The following SHMT1 variants were observed in gnomAD, a reference collection of about 807,000 sequenced individuals.
The protein encoded by SHMT1 is serine hydroxymethyltransferase, cytosolic.
SHMT1 carries 45 observed loss-of-function variants against 49.0 expected under a neutral mutation model. The observed-to-expected ratio is 0.92, with a 90% CI of 0.72 to 1.18. The LOEUF is 1.18. Ranked by LOEUF, SHMT1 falls within the 50% of genes most tolerant of loss-of-function variation. The pLI is 0.00. For missense variants in SHMT1, 541 were observed against 612.4 expected (o/e 0.88, Z 1.23); for synonymous variants, 232 against 246.6 (o/e 0.94, Z 0.55).
At chr17:18,339,932 T>C (rs1025912261) in intron 7 of SHMT1, 111 bp downstream of exon 7, 1 of 1,060,386 alleles carries the variant, frequency 9.4e-7, no homozygotes, top group Non-Finnish European at 1.4e-6. Flanking sequence ...TCTTAATATT[T>C]TCCAAGGATC....
chr17:18,343,376 A>C (rs1188298170), intron 5 of SHMT1, among the ~76,000 whole-genome samples: 1 of 151,988 alleles, frequency 6.6e-6, no homozygotes, highest in Non-Finnish European at 1.5e-5. Context: ...TGGGAGGCCG[A>C]GGGGGTCAGA....
intron 7 of SHMT1, among the ~76,000 whole-genome samples, chr17:18,339,308 G>A (rs1047350440): frequency 3.3e-5 from 5 of 152,152 alleles, no homozygotes; most frequent in Non-Finnish European, 7.3e-5. Context: ...ACTACTATGA[G>A]TCTTTCTCTT....
At chr17:18,347,392 G>A (rs964834520) in intron 5 of SHMT1, 104 bp downstream of exon 5, 11 of 1,291,258 alleles carry the variant, frequency 8.5e-6, no homozygotes, top group East Asian at 4.6e-5. Flanking sequence ...TGCGAGGTGG[G>A]GACTTCCTGT....
At chr17:18,342,565 C>T (rs1020210245) in intron 5 of SHMT1, among the ~76,000 whole-genome samples, 8 of 152,150 alleles carry the variant, frequency 5.3e-5, no homozygotes, top group East Asian at 1.9e-4. Context: ...CCTCCTACCT[C>T]GACCTCCCAA....
intron 5 of SHMT1, among the ~76,000 whole-genome samples, chr17:18,344,562 TA>T (rs1984875159): frequency 8.8e-6 from 1 of 114,160 alleles, no homozygotes; most frequent in African/African-American, 3.7e-5. Flanking sequence ...ATTTTTTGTG[TA>T]GCCACAATTA....
chr17:18,346,525 T>C (rs1985094585), intron 5 of SHMT1, among the ~76,000 whole-genome samples: 1 of 152,234 alleles, frequency 6.6e-6, no homozygotes, highest in African/African-American at 2.4e-5. Context: ...GTTCTGATGG[T>C]GTTGGTTCCA....
intron 4 of SHMT1, 103 bp downstream of exon 4, chr17:18,348,222 T>TG (rs753386260): frequency 9.7e-6 from 8 of 822,184 alleles, no homozygotes; most frequent in Non-Finnish European, 8.2e-6. Context: ...GCCCGGCCTA[T>TG]GGCAGTCCAT....
At chr17:18,330,857 G>A (rs888542046) in intron 9 of SHMT1, 186 bp from the exon 10 acceptor site, 139 of 652,756 alleles carry the variant, frequency 2.1e-4, no homozygotes, top group Non-Finnish European at 3.6e-4. Flanking sequence ...TGAAAGGAAG[G>A]ACAGAGCACT....
rs746069234 is a variant in SHMT1, at chr17:18,347,567, T to C, written c.448A>G (p.Thr150Ala). 1 of 1,614,150 alleles carries C rather than the reference T, an allele frequency of 6.2e-7. No individual in the cohort carries two copies. Among genetic ancestry groups the C allele is most frequent in the Non-Finnish European group, 8.5e-7 (1 of 1,180,024 alleles). ...TTCTTGTCTGTCATGAACCCATGGGTCAGGTGGCCCCCATCCGGAAGGTCC... is the reference window on the plus strand; with the variant it reads ...TTCTTGTCTGTCATGAACCCATGGGCCAGGTGGCCCCCATCCGGAAGGTCC... ...GLDLPDGGHL[T>A]HGFMTDKKKI... The change falls in exon 5 of 12, where the codon ACC becomes GCC. Residue 150 changes from threonine to alanine, a missense_variant. Coordinates refer to ENST00000316694, the MANE Select transcript of SHMT1 (RefSeq NM_004169.5).
At chr17:18,357,510 AATG>A (rs1328794101) in intron 1 of SHMT1, among the ~76,000 whole-genome samples, 1 of 152,052 alleles carries the variant, frequency 6.6e-6, no homozygotes, top group African/African-American at 2.4e-5. Flanking sequence ...GTATTTTATA[AATG>A]ATAATGTAAG....
chr17:18,339,568 T>TC (rs1359002618), intron 7 of SHMT1, among the ~76,000 whole-genome samples: 25 of 151,482 alleles, frequency 1.7e-4, no homozygotes, highest in Non-Finnish European at 3.4e-4. Context: ...TTTCTTTCTT[T>TC]TTTTTTTTTT....
At position 18,353,703 on chromosome 17, in the gene SHMT1, T is replaced by C. The variant is rs771049915; in HGVS notation, c.211A>G (p.Asn71Asp). 2.5e-6 allele frequency: 4 copies of C among 1,614,164 alleles called. No individual in the cohort carries two copies. The highest frequency in any genetic ancestry group is 1.7e-5 in the Admixed American group (1 of 60,000). Residue 71 changes from asparagine to aspartate, a missense_variant, in exon 3 of 12, where the codon AAC (asparagine) becomes GAC (aspartate). Physicochemically the swap from Asn to Asp is conservative, Grantham distance 23 (BLOSUM62 1). Transcript: ENST00000316694. ...VLEALGSCLN[N>D]KYSEGYPGQR... ...CCCGGGTACCCCTCAGAGTATTTGTTATTTAAGCAAGAGCCTAGGGCCTCC... is the reference window on the plus strand; with the variant it reads ...CCCGGGTACCCCTCAGAGTATTTGTCATTTAAGCAAGAGCCTAGGGCCTCC...
At chr17:18,329,686 C>G (rs1465193307) in intron 10 of SHMT1, among the ~76,000 whole-genome samples, 1 of 152,120 alleles carries the variant, frequency 6.6e-6, no homozygotes, top group African/African-American at 2.4e-5. Flanking sequence ...TTGTTAACAA[C>G]CCACAGAGAA....
intron 7 of SHMT1, among the ~76,000 whole-genome samples, chr17:18,336,592 G>T (rs1983818615): frequency 6.6e-6 from 1 of 152,058 alleles, no homozygotes; most frequent in Admixed American, 6.6e-5. Flanking sequence ...GTTGAACCCG[G>T]GAGGTGGAGG....
intron 9 of SHMT1, chr17:18,331,962 C>T (rs1983260763): frequency 6.6e-6 from 1 of 152,216 alleles, no homozygotes; most frequent in Admixed American, 6.5e-5. Flanking sequence ...TAGGCCCAAC[C>T]TAGATCCCTC....
Position 18,333,296 on chromosome 17 carries a change from A to T in SHMT1, c.932-8T>A. On this transcript the variant is annotated splice_polypyrimidine_tract_variant and splice_region_variant and intron_variant, in intron 8 of 11. Transcript: ENST00000316694. ...TCAGTGCCACAGCAACCCCTGGACA[A>T]GAAGAGACAATGGGTCAGGAGGCTA... The T allele has an allele frequency of 1.2e-6, 2 of 1,613,000 alleles. No homozygotes were observed. Among genetic ancestry groups the T allele is most frequent in the Non-Finnish European group, 1.7e-6 (2 of 1,179,884 alleles).
intron 7 of SHMT1, among the ~76,000 whole-genome samples, chr17:18,336,619 T>C (rs906803878): frequency 2.0e-5 from 3 of 151,154 alleles, no homozygotes; most frequent in Non-Finnish European, 2.9e-5. Flanking sequence ...CGAGCCGAGA[T>C]TGCACCACTG....
chr17:18,334,291 G>T (rs955740862), intron 8 of SHMT1, among the ~76,000 whole-genome samples: 4 of 151,870 alleles, frequency 2.6e-5, no homozygotes, highest in Admixed American at 6.6e-5. Flanking sequence ...CTTTCTTCAT[G>T]TTGGCCAGGC....
intron 1 of SHMT1, among the ~76,000 whole-genome samples, chr17:18,356,968 C>T (rs567561120): frequency 1.3e-4 from 20 of 152,056 alleles, no homozygotes; most frequent in African/African-American, 3.9e-4. Context: ...TCCTGCGGTA[C>T]CCAACACTGC....
Sources: gnomAD v4.1 joint callset for allele counts (sites outside exome capture counted in the v4.1 genomes callset) on GRCh38, gnomAD v4.1.1 for gene constraint, MANE v1.5 for transcripts, NCBI Gene and HGNC (gene_info 2026-07-23, HGNC 2026-07-21) for gene names.